Variants in BCKDHB observed in about 807,000 individuals in gnomAD.
BCKDHB encodes the protein branched chain keto acid dehydrogenase E1 subunit beta.
Under a neutral mutation model 48.5 loss-of-function variants are expected in BCKDHB, and 41 were observed. The observed-to-expected ratio is 0.85, with a 90% CI of 0.66 to 1.10. The LOEUF (loss-of-function observed/expected upper bound fraction) is 1.10, where lower values mean the gene tolerates loss of function less well. Ranked by LOEUF, BCKDHB falls within the 50% of genes least tolerant of loss-of-function variation. The probability of loss-of-function intolerance (pLI) is 0.00; values close to 1 mark genes in which losing one functional copy is unlikely to be tolerated. For missense variants in BCKDHB, 496 were observed against 494.2 expected (o/e 1.00, Z -0.03); for synonymous variants, 201 against 174.8 (o/e 1.15, Z -1.18).
At chr6:80,285,541 A>G (rs568117864) in intron 9 of BCKDHB, among the ~76,000 whole-genome samples, 2 of 152,280 alleles carry the variant, frequency 1.3e-5, no homozygotes, top group African/African-American at 4.8e-5. Context: ...TCAGAGAACC[A>G]CAGTATCTTT....
chr6:80,266,211 A>G (rs1777507461), intron 8 of BCKDHB, among the ~76,000 whole-genome samples: 1 of 152,160 alleles, frequency 6.6e-6, no homozygotes, highest in Non-Finnish European at 1.5e-5. Flanking sequence ...CTTCATAGAA[A>G]CAGATTGAGT....
chr6:80,286,622 A>G lies in BCKDHB; in HGVS notation c.1038+13401A>G, dbSNP rs534912421. Among the ~76,000 whole-genome samples, 33 of 152,268 alleles carry G rather than the reference A, an allele frequency of 2.2e-4. 1 individual carries two copies. Among genetic ancestry groups the G allele is most frequent in the Admixed American group, 1.6e-3 (24 of 15,300 alleles). On this transcript the variant is annotated intron_variant, in intron 9 of 9. Coordinates refer to ENST00000320393, the MANE Select transcript of BCKDHB (RefSeq NM_183050.4). ...CTGAGAGGGTAGAATTCCTTATTAT[A>G]CACATATGGATAATTGCTTTGAGTT... is the stretch of plus-strand genomic sequence containing the variant.
intron 6 of BCKDHB, among the ~76,000 whole-genome samples, chr6:80,182,247 A>C (rs1278499954): frequency 6.6e-6 from 1 of 152,212 alleles, no homozygotes; most frequent in Admixed American, 6.5e-5. Flanking sequence ...AAGAATCAAA[A>C]GGTGTTCAGT....
At chr6:80,358,560 T>G in the BCKDHB span, among the ~76,000 whole-genome samples, 3 of 152,230 alleles carry the variant, frequency 2.0e-5, no homozygotes, top group Non-Finnish European at 4.4e-5. Flanking sequence ...AATGAAGTAC[T>G]GATACATGTG....
At chr6:80,202,033 G>T (rs963815946) in intron 7 of BCKDHB, among the ~76,000 whole-genome samples, 2 of 151,954 alleles carry the variant, frequency 1.3e-5, no homozygotes, top group Admixed American at 1.3e-4. Flanking sequence ...TGTCCTTGGT[G>T]GGTGTGGCAA....
At chr6:80,213,068 T>G (rs1775012751) in intron 8 of BCKDHB, among the ~76,000 whole-genome samples, 1 of 152,298 alleles carries the variant, frequency 6.6e-6, no homozygotes, top group African/African-American at 2.4e-5. Context: ...TGCTGAAAAG[T>G]AATAAATATT....
At chr6:80,455,759 T>C in the BCKDHB span, among the ~76,000 whole-genome samples, 2 of 151,958 alleles carry the variant, frequency 1.3e-5, no homozygotes, top group African/African-American at 4.8e-5. Flanking sequence ...TTAACAAACA[T>C]TTAGCTATCT....
At chr6:80,129,456 A>G (rs1770518821) in intron 3 of BCKDHB, among the ~76,000 whole-genome samples, 1 of 152,166 alleles carries the variant, frequency 6.6e-6, no homozygotes, top group Admixed American at 6.6e-5. Context: ...TGATTCCAAA[A>G]TAATTGTCAT....
intron 8 of BCKDHB, among the ~76,000 whole-genome samples, chr6:80,209,042 T>G (rs956545317): frequency 6.6e-6 from 1 of 151,942 alleles, no homozygotes; most frequent in Non-Finnish European, 1.5e-5. Flanking sequence ...ATTCCTCATG[T>G]TAACAGAAAA....
At chr6:80,427,750 A>G in the BCKDHB span, among the ~76,000 whole-genome samples, 1 of 152,224 alleles carries the variant, frequency 6.6e-6, no homozygotes, top group African/African-American at 2.4e-5. Context: ...TAGGCTTACA[A>G]TTTTCTTCAA....
chr6:80,180,018 C>T (rs553730444), intron 6 of BCKDHB, among the ~76,000 whole-genome samples: 1 of 152,252 alleles, frequency 6.6e-6, no homozygotes, highest in African/African-American at 2.4e-5. Flanking sequence ...CATTTCTGGG[C>T]CTGTGCTCAT....
intron 8 of BCKDHB, among the ~76,000 whole-genome samples, chr6:80,250,678 A>G (rs772477664): frequency 2.6e-5 from 4 of 152,126 alleles, no homozygotes; most frequent in Non-Finnish European, 5.9e-5. Flanking sequence ...TGGGTTTAGG[A>G]TCATCCAGGC....
chr6:80,414,959 G>A, the BCKDHB span, among the ~76,000 whole-genome samples: 1 of 151,530 alleles, frequency 6.6e-6, no homozygotes, highest in African/African-American at 2.4e-5. Flanking sequence ...TCTCCTTGTG[G>A]ATATCTTTCA....
chr6:80,424,031 T>A, the BCKDHB span, among the ~76,000 whole-genome samples: 2 of 152,150 alleles, frequency 1.3e-5, no homozygotes, highest in Non-Finnish European at 2.9e-5. Flanking sequence ...GCATGAAACA[T>A]CTATCTATTA....
intron 6 of BCKDHB, among the ~76,000 whole-genome samples, chr6:80,186,499 GA>G (rs1386089577): frequency 6.6e-6 from 1 of 152,208 alleles, no homozygotes; most frequent in East Asian, 1.9e-4. Flanking sequence ...TTCCTGCTGA[GA>G]AAACAAGCAG....
intron 9 of BCKDHB, among the ~76,000 whole-genome samples, chr6:80,299,515 A>G (rs1326003331): frequency 6.6e-6 from 1 of 152,180 alleles, no homozygotes; most frequent in Non-Finnish European, 1.5e-5. Context: ...TGCAAGAAAG[A>G]ATTTGAGGTG....
chr6:80,447,812 C>T, the BCKDHB span, among the ~76,000 whole-genome samples: 1 of 152,136 alleles, frequency 6.6e-6, no homozygotes, highest in Non-Finnish European at 1.5e-5. Flanking sequence ...TAGGCACTCT[C>T]TGTTCAATAC....
chr6:80,215,679 C>A (rs1775136974), intron 8 of BCKDHB, among the ~76,000 whole-genome samples: 1 of 152,166 alleles, frequency 6.6e-6, no homozygotes, highest in South Asian at 2.1e-4. Flanking sequence ...TTATGATTTA[C>A]ATTTTAGGTA....
At chr6:80,274,582 TA>T (rs1777892210) in intron 9 of BCKDHB, among the ~76,000 whole-genome samples, 1 of 152,056 alleles carries the variant, frequency 6.6e-6, no homozygotes, top group African/African-American at 2.4e-5. Flanking sequence ...TGACTGTTGC[TA>T]ATTGAAACTT....
Sources: allele counts gnomAD v4.1 joint callset (sites outside exome capture counted in the v4.1 genomes callset), GRCh38; gene constraint gnomAD v4.1.1; transcripts MANE v1.5; gene names NCBI Gene and HGNC (gene_info 2026-07-23, HGNC 2026-07-21).